The following TMEM117 variants were observed in gnomAD, a reference collection of about 807,000 sequenced individuals.
TMEM117 encodes transmembrane protein 117.
Under a neutral mutation model 52.4 loss-of-function variants are expected in TMEM117, and 27 were observed. The ratio of observed to expected loss-of-function variants is 0.51; its 90% CI spans 0.38 to 0.71. The LOEUF (loss-of-function observed/expected upper bound fraction) is 0.71, where lower values mean the gene tolerates loss of function less well. TMEM117 is among the 30% of genes least tolerant of loss of function. TMEM117 has a pLI of 0.00. For missense variants in TMEM117, 556 were observed against 630.5 expected, an observed-to-expected ratio of 0.88 and a Z score of 1.26; for synonymous variants, 215 against 206.3, an observed-to-expected ratio of 1.04 and a Z score of -0.36.
chr12:43,888,143 T>C (rs1197119159), intron 2 of TMEM117, among the ~76,000 whole-genome samples: 3 of 152,206 alleles, frequency 2.0e-5, no homozygotes, highest in Non-Finnish European at 4.4e-5. Context: ...TTAAATAATT[T>C]ACTTTCTCCG....
At chr12:43,929,526 G>A (rs1944838377) in intron 2 of TMEM117, among the ~76,000 whole-genome samples, 1 of 151,978 alleles carries the variant, frequency 6.6e-6, no homozygotes, top group Admixed American at 6.6e-5. Context: ...CAGCATTATT[G>A]AGGTATAATT....
At chr12:43,983,548 G>A (rs74084786) in intron 3 of TMEM117, among the ~76,000 whole-genome samples, 356 of 1,448 alleles carry the variant, frequency 0.25, 7 homozygotes, top group East Asian at 0.32. Context: ...TGCACCAACC[G>A]TGTGTGTGTG....
At chr12:44,130,223 A>C (rs898062305) in intron 3 of TMEM117, among the ~76,000 whole-genome samples, 1 of 152,204 alleles carries the variant, frequency 6.6e-6, no homozygotes, top group Non-Finnish European at 1.5e-5. Context: ...GCACACAGGT[A>C]TATCTTAATT....
chr12:44,134,858 G>A (rs1948466617), intron 3 of TMEM117, among the ~76,000 whole-genome samples: 1 of 151,850 alleles, frequency 6.6e-6, no homozygotes, highest in Non-Finnish European at 1.5e-5. Context: ...ACAAAGATAA[G>A]GTAGGGAACA....
At chr12:44,300,886 G>A (rs1317070734) in intron 6 of TMEM117, among the ~76,000 whole-genome samples, 1 of 152,156 alleles carries the variant, frequency 6.6e-6, no homozygotes, top group Non-Finnish European at 1.5e-5. Context: ...TTCTAGATCT[G>A]CCTGTCACTA....
intron 5 of TMEM117, 90 bp from the exon 6 acceptor site, chr12:44,299,490 C>T: frequency 2.0e-6 from 3 of 1,493,524 alleles, no homozygotes; most frequent in South Asian, 1.3e-5. Context: ...TGCCAAGGGG[C>T]AGACATTTAA....
chr12:43,870,228 A>C (rs916809730), intron 2 of TMEM117, among the ~76,000 whole-genome samples: 34 of 149,108 alleles, frequency 2.3e-4, no homozygotes, highest in Admixed American at 1.5e-3. Flanking sequence ...TGCAGTGAAC[A>C]TGTGAATAGT....
chr12:44,152,478 T>C (rs1426790391), intron 4 of TMEM117, among the ~76,000 whole-genome samples: 1 of 115,998 alleles, frequency 8.6e-6, no homozygotes, highest in African/African-American at 3.6e-5. Flanking sequence ...AATTATATCA[T>C]ATATAAATTT....
chr12:44,147,970 G>T (rs1948669385), intron 4 of TMEM117, among the ~76,000 whole-genome samples: 2 of 151,362 alleles, frequency 1.3e-5, no homozygotes, highest in Non-Finnish European at 2.9e-5. Flanking sequence ...AGACAATTCT[G>T]TTAGCCAACA....
At chr12:44,069,881 G>A (rs1361732915) in intron 3 of TMEM117, among the ~76,000 whole-genome samples, 1 of 152,086 alleles carries the variant, frequency 6.6e-6, no homozygotes, top group Non-Finnish European at 1.5e-5. Flanking sequence ...TTTTGTTGTT[G>A]TTGTTGTTGT....
chr12:43,962,889 C>G (rs1945425883), intron 3 of TMEM117, among the ~76,000 whole-genome samples: 1 of 151,732 alleles, frequency 6.6e-6, no homozygotes, highest in South Asian at 2.1e-4. Context: ...GATTGCACCA[C>G]TGCACTCCAG....
At chr12:43,918,309 A>G (rs1944638805) in intron 2 of TMEM117, among the ~76,000 whole-genome samples, 1 of 152,096 alleles carries the variant, frequency 6.6e-6, no homozygotes, top group Admixed American at 6.6e-5. Flanking sequence ...GGCTATTTTT[A>G]TGTCATCAGC....
At chr12:44,125,541 T>G (rs1429682885) in intron 3 of TMEM117, among the ~76,000 whole-genome samples, 2 of 152,194 alleles carry the variant, frequency 1.3e-5, no homozygotes, top group Non-Finnish European at 2.9e-5. Flanking sequence ...GTTTTTATTT[T>G]TATGGGGTCA....
At chr12:43,935,924 A>G (rs1009524513) in intron 2 of TMEM117, among the ~76,000 whole-genome samples, 1 of 152,220 alleles carries the variant, frequency 6.6e-6, no homozygotes. Context: ...CAGCATGAGC[A>G]TAGAAAATGC....
At chr12:44,075,427 A>G (rs962766385) in intron 3 of TMEM117, among the ~76,000 whole-genome samples, 1 of 152,166 alleles carries the variant, frequency 6.6e-6, no homozygotes, top group Non-Finnish European at 1.5e-5. Flanking sequence ...ACTTGGTTTA[A>G]TGTTCTGTAG....
chr12:44,310,731 G>T (rs1390165131), intron 6 of TMEM117, among the ~76,000 whole-genome samples: 2 of 152,254 alleles, frequency 1.3e-5, no homozygotes, highest in Non-Finnish European at 1.5e-5. Context: ...TAGTAAGTGG[G>T]TAATGGTGCC....
intron 5 of TMEM117, among the ~76,000 whole-genome samples, chr12:44,299,228 T>TCC (rs1950807028): frequency 6.6e-6 from 1 of 151,792 alleles, no homozygotes; most frequent in Non-Finnish European, 1.5e-5. Flanking sequence ...CCTCCCAGGT[T>TCC]CAAGTGATTC....
At position 44,157,899 on chromosome 12, in the gene TMEM117, C is replaced by T. The variant is rs577345999; in HGVS notation, c.510+14275C>T. Among the ~76,000 whole-genome samples the T allele has an allele frequency of 2.6e-5, 4 of 152,128 alleles. No homozygotes were observed. In the East Asian group the frequency reaches 7.7e-4, roughly 29 times the overall value. On this transcript the variant is annotated intron_variant, in intron 4 of 7. Transcript: ENST00000266534. ...CTCAAAGTAGACAATTTGAGTTTTG[C>T]CATAAAACTTTGTCTCATAATTTTC...
intron 5 of TMEM117, among the ~76,000 whole-genome samples, chr12:44,256,531 A>G (rs1950262408): frequency 6.6e-6 from 1 of 152,064 alleles, no homozygotes; most frequent in Non-Finnish European, 1.5e-5. Context: ...TTTCATGTGA[A>G]TTTTGATGTA....
Sources: allele counts gnomAD v4.1 joint callset (sites outside exome capture counted in the v4.1 genomes callset), GRCh38; gene constraint gnomAD v4.1.1; transcripts MANE v1.5; gene names NCBI Gene and HGNC (gene_info 2026-07-23, HGNC 2026-07-21).